The following UBE2K variants were observed in gnomAD, a reference collection of about 807,000 sequenced individuals.
The protein encoded by UBE2K is ubiquitin-conjugating enzyme E2 K.
A neutral mutation model predicts 30.0 loss-of-function variants in UBE2K; 6 were observed. The ratio of observed to expected loss-of-function variants is 0.20; its 90% CI spans 0.11 to 0.39. The LOEUF (loss-of-function observed/expected upper bound fraction) is 0.39. Among genes scored for constraint, UBE2K ranks in the 10% least tolerant of loss-of-function variants. The pLI, the probability that UBE2K is intolerant of heterozygous loss-of-function variation, is 1.00. For missense variants in UBE2K, 61 were observed against 241.6 expected (o/e 0.25, Z 4.96); for synonymous variants, 86 against 83.7 (o/e 1.03, Z -0.15).
At chr4:39,726,448 T>G (rs1222810173) in intron 1 of UBE2K, among the ~76,000 whole-genome samples, 1 of 152,096 alleles carries the variant, frequency 6.6e-6, no homozygotes, top group East Asian at 1.9e-4. Flanking sequence ...CTTGAACTCC[T>G]GGGCTTAAAC....
At chr4:39,720,046 C>T (rs1719336437) in intron 1 of UBE2K, among the ~76,000 whole-genome samples, 1 of 152,116 alleles carries the variant, frequency 6.6e-6, no homozygotes, top group African/African-American at 2.4e-5. Context: ...TCTTCCATTC[C>T]CCATTGCTTA....
chr4:39,744,642 C>G (rs1320775694), intron 2 of UBE2K, among the ~76,000 whole-genome samples: 1 of 151,466 alleles, frequency 6.6e-6, no homozygotes, highest in East Asian at 1.9e-4. Flanking sequence ...CACAGTGGCT[C>G]ACGCCTGTGA....
At chr4:39,752,491 C>T (rs925916505) in intron 3 of UBE2K, among the ~76,000 whole-genome samples, 25 of 151,950 alleles carry the variant, frequency 1.6e-4, no homozygotes, top group Non-Finnish European at 2.6e-4. Context: ...CGCCCGCCAC[C>T]GCGCCCGGCT....
intron 4 of UBE2K, among the ~76,000 whole-genome samples, chr4:39,767,760 A>T (rs1312199767): frequency 6.6e-6 from 1 of 152,160 alleles, no homozygotes; most frequent in African/African-American, 2.4e-5. Context: ...TTCAAATTAA[A>T]ATAAATATTA....
At chr4:39,767,879 G>A in intron 4 of UBE2K, among the ~76,000 whole-genome samples, 1 of 152,066 alleles carries the variant, frequency 6.6e-6, no homozygotes, top group Middle Eastern at 3.4e-3. Context: ...AATTACATAA[G>A]ATTTTGTTTC....
At chr4:39,719,131 A>G (rs1354250335) in intron 1 of UBE2K, among the ~76,000 whole-genome samples, 1 of 152,220 alleles carries the variant, frequency 6.6e-6, no homozygotes, top group Non-Finnish European at 1.5e-5. Flanking sequence ...ATTCCTACAC[A>G]TACCTCAGAC....
At chr4:39,764,021 C>T (rs1712147852) in intron 4 of UBE2K, among the ~76,000 whole-genome samples, 1 of 152,190 alleles carries the variant, frequency 6.6e-6, no homozygotes, top group African/African-American at 2.4e-5. Context: ...CGTGAGCCAT[C>T]GTGCCTGACC....
intron 4 of UBE2K, among the ~76,000 whole-genome samples, chr4:39,760,021 C>G (rs566577937): frequency 3.3e-5 from 5 of 151,622 alleles, no homozygotes; most frequent in African/African-American, 1.2e-4. Context: ...ACTAAAAATA[C>G]AAAAATTAGC....
chr4:39,768,790 C>T (rs1712529398), intron 4 of UBE2K, among the ~76,000 whole-genome samples: 1 of 152,140 alleles, frequency 6.6e-6, no homozygotes, highest in Non-Finnish European at 1.5e-5. Context: ...ACATCATCAC[C>T]AACACTTGTT....
chr4:39,715,980 A>G (rs748540075), intron 1 of UBE2K, among the ~76,000 whole-genome samples: 20 of 152,136 alleles, frequency 1.3e-4, no homozygotes, highest in Admixed American at 1.3e-4. Context: ...TACCTTCCCA[A>G]TTACAGAACA....
At chr4:39,737,262 TA>T (rs943326051) in intron 1 of UBE2K, among the ~76,000 whole-genome samples, 157 bp from the exon 2 acceptor site, 14 of 152,166 alleles carry the variant, frequency 9.2e-5, no homozygotes, top group African/African-American at 3.1e-4. Flanking sequence ...TAAATATTCT[TA>T]AAACTGGATA....
Position 39,757,024 on chromosome 4 carries a change from TGTTTTTTG to T in UBE2K, c.299+1286_299+1293del, listed in dbSNP as rs1560370581. Among the ~76,000 whole-genome samples, 44 of 101,164 alleles carry T rather than the reference TGTTTTTTG, an allele frequency of 4.3e-4. 2 individuals are homozygous for T. The highest frequency in any genetic ancestry group is 1.6e-3 in the African/African-American group (41 of 24,964). The allele number at this position is 101,164 out of a possible 152,430, so 66.4% of individuals were successfully genotyped here. ...TGTTTTTTTTTTGTTTTTTGTTTTT[TGTTTTTTG>T]TTTTTTTTTTGAGACAGAGTTTCAC... On this transcript the variant is annotated intron_variant, in intron 4 of 6. Transcript: ENST00000261427.
chr4:39,778,958 A>G lies in UBE2K; in HGVS notation c.*524A>G, dbSNP rs544642733. ...GCATTTGAGAATTCTTAAATATGAA[A>G]TTTATTCAGAATTGAAGATGGTGAC... On this transcript the variant is annotated 3_prime_UTR_variant, in exon 7 of 7. Transcript: ENST00000261427. 6.5e-6 allele frequency: 1 copy of G among 152,856 alleles called. No individual in the cohort carries two copies. Among genetic ancestry groups the G allele is most frequent in the South Asian group, 2.1e-4 (1 of 4,870 alleles). 9.5% of individuals were successfully genotyped at this position (152,856 alleles called of 1,614,324 possible).
At chr4:39,748,226 A>G (rs1432288186) in intron 3 of UBE2K, among the ~76,000 whole-genome samples, 2 of 151,966 alleles carry the variant, frequency 1.3e-5, no homozygotes, top group Non-Finnish European at 2.9e-5. Flanking sequence ...CTCCCACCTC[A>G]TCCCCACTTT....
At chr4:39,757,619 T>C (rs1453230776) in intron 4 of UBE2K, among the ~76,000 whole-genome samples, 1 of 152,192 alleles carries the variant, frequency 6.6e-6, no homozygotes, top group Non-Finnish European at 1.5e-5. Context: ...GGAATAGACT[T>C]ACTTTTTATC....
intron 4 of UBE2K, among the ~76,000 whole-genome samples, chr4:39,769,676 A>ACCCACCCC (rs1324966769): frequency 1.5e-4 from 13 of 86,036 alleles, no homozygotes; most frequent in Admixed American, 4.9e-4. Flanking sequence ...CCCTGTTCCC[A>ACCCACCCC]CCCACCCCCC....
chr4:39,759,661 A>C (rs1420725326), intron 4 of UBE2K, among the ~76,000 whole-genome samples: 1 of 152,174 alleles, frequency 6.6e-6, no homozygotes, highest in Non-Finnish European at 1.5e-5. Flanking sequence ...ACTTACTATG[A>C]CTAATGGTGT....
At chr4:39,708,125 C>G (rs1156827066) in intron 1 of UBE2K, among the ~76,000 whole-genome samples, 4 of 151,856 alleles carry the variant, frequency 2.6e-5, no homozygotes, top group Non-Finnish European at 5.9e-5. Flanking sequence ...GTCTCGAACT[C>G]CGGGACTCAG....
Position 39,780,252 on chromosome 4 carries a change from A to G in UBE2K, c.*1818A>G, listed in dbSNP as rs1713535993. 1 of 152,188 alleles carries G rather than the reference A, an allele frequency of 6.6e-6. No individual in the cohort carries two copies. The highest frequency in any genetic ancestry group is 2.1e-4 in the South Asian group (1 of 4,836). 9.4% of individuals were successfully genotyped at this position (152,188 alleles called of 1,614,324 possible). On this transcript the variant is annotated 3_prime_UTR_variant, in exon 7 of 7. Transcript: ENST00000261427. ...AACCTCGTACTTTATATTTTGAAGT[A>G]AGGTGGGATTGTGTGAAAATGTGGA...
Sources: allele counts gnomAD v4.1 joint callset (sites outside exome capture counted in the v4.1 genomes callset), GRCh38; gene constraint gnomAD v4.1.1; transcripts MANE v1.5; gene names NCBI Gene and HGNC (gene_info 2026-07-23, HGNC 2026-07-21).